RBFOX1: variants seen among roughly 807,000 people sequenced by gnomAD.
RBFOX1 encodes RNA binding protein fox-1 homolog 1.
A neutral mutation model predicts 57.7 loss-of-function variants in RBFOX1; 8 were observed. The ratio of observed to expected loss-of-function variants is 0.14; its 90% CI spans 0.08 to 0.25. The LOEUF is 0.25. RBFOX1 is among the 10% of genes least tolerant of loss of function. The pLI is 1.00. For missense variants in RBFOX1, 611 were observed against 548.5 expected, an observed-to-expected ratio of 1.11 and a Z score of -1.14; for synonymous variants, 326 against 222.4, an observed-to-expected ratio of 1.47 and a Z score of -4.15.
chr16:7,693,416 CTTTT>C (rs60812796), intron 14 of RBFOX1: 349 of 782,278 alleles, frequency 4.5e-4, no homozygotes, highest in Middle Eastern at 5.7e-4. Context: ...TCTCAGTATC[CTTTT>C]TTTTTTTTTT....
At chr16:6,921,889 A>AT (rs1250725578) in intron 3 of RBFOX1, among the ~76,000 whole-genome samples, 4 of 152,066 alleles carry the variant, frequency 2.6e-5, no homozygotes, top group Non-Finnish European at 4.4e-5. Flanking sequence ...AGAGGAGGAG[A>AT]TTATGCAAGG....
At chr16:7,499,810 G>C (rs974062569) in intron 4 of RBFOX1, among the ~76,000 whole-genome samples, 1 of 151,772 alleles carries the variant, frequency 6.6e-6, no homozygotes, top group Non-Finnish European at 1.5e-5. Context: ...CTACTTCGCA[G>C]TTGTTGAGAC....
chr16:5,453,745 A>T (rs933998710), intron 1 of RBFOX1, among the ~76,000 whole-genome samples: 2 of 152,190 alleles, frequency 1.3e-5, no homozygotes, highest in Admixed American at 6.5e-5. Context: ...CCAGTTAGAG[A>T]TCAGCTTTAC....
At chr16:6,053,360 G>T (rs1372902327) in intron 1 of RBFOX1, among the ~76,000 whole-genome samples, 1 of 152,202 alleles carries the variant, frequency 6.6e-6, no homozygotes, top group African/African-American at 2.4e-5. Flanking sequence ...ATTAGTGAGT[G>T]TCTGGCCCTG....
intron 3 of RBFOX1, among the ~76,000 whole-genome samples, chr16:6,676,127 G>GACAC (rs750878616): frequency 1.7e-4 from 21 of 125,608 alleles, no homozygotes; most frequent in African/African-American, 6.4e-4. Flanking sequence ...CTGCCTAGGG[G>GACAC]ACACACACAC....
intron 4 of RBFOX1, among the ~76,000 whole-genome samples, chr16:7,501,936 C>G (rs2071036257): frequency 6.6e-6 from 1 of 152,196 alleles, no homozygotes; most frequent in Non-Finnish European, 1.5e-5. Flanking sequence ...AAACATAGCA[C>G]AGTCCCTGAC....
intron 2 of RBFOX1, among the ~76,000 whole-genome samples, chr16:6,326,601 C>T (rs187007740): frequency 3.3e-5 from 5 of 152,288 alleles, no homozygotes; most frequent in Non-Finnish European, 7.4e-5. Context: ...TGACCATTTA[C>T]GCTTCACAGG....
intron 3 of RBFOX1, among the ~76,000 whole-genome samples, chr16:5,624,631 G>C (rs2048296797): frequency 6.6e-6 from 1 of 152,230 alleles, no homozygotes. Context: ...GTCTGTGATT[G>C]TGTCTGGCTA....
At position 7,034,620 on chromosome 16, in the gene RBFOX1, C is replaced by T. The variant is rs752197303; in HGVS notation, c.-15-17437C>T. On this transcript the variant is annotated intron_variant, in intron 3 of 15. Coordinates refer to ENST00000550418, the MANE Select transcript of RBFOX1 (RefSeq NM_018723.4). ...AAGATCCCTGGCAATGTTTTTGTGTCTATCTCATTGAAGACACATCAGTGA... is the reference window on the plus strand; with the variant it reads ...AAGATCCCTGGCAATGTTTTTGTGTTTATCTCATTGAAGACACATCAGTGA... Among the ~76,000 whole-genome samples the T allele has an allele frequency of 2.0e-5, 3 of 151,940 alleles. No homozygotes were observed. In the East Asian group the frequency reaches 5.8e-4, roughly 30 times the overall value.
At chr16:6,089,076 A>ATATAT (rs1491350106) in intron 1 of RBFOX1, among the ~76,000 whole-genome samples, 1 of 125,652 alleles carries the variant, frequency 8.0e-6, no homozygotes, top group African/African-American at 2.7e-5. Flanking sequence ...AAAAAAAAAA[A>ATATAT]AAATATATAT....
At chr16:7,639,701 A>T (rs1477804118) in intron 11 of RBFOX1, among the ~76,000 whole-genome samples, 1 of 152,138 alleles carries the variant, frequency 6.6e-6, no homozygotes, top group Non-Finnish European at 1.5e-5. Context: ...TAGCACTGCC[A>T]TTGGGGTGCC....
intron 4 of RBFOX1, among the ~76,000 whole-genome samples, chr16:7,403,618 G>A (rs1214987559): frequency 1.4e-5 from 2 of 147,012 alleles, no homozygotes; most frequent in Middle Eastern, 3.5e-3. Flanking sequence ...ACAATCTCAG[G>A]TCAGGGCAAC....
chr16:7,180,792 T>G (rs887252505), intron 4 of RBFOX1, among the ~76,000 whole-genome samples: 3 of 151,900 alleles, frequency 2.0e-5, no homozygotes, highest in African/African-American at 7.3e-5. Flanking sequence ...AGGGAAAGTT[T>G]ATTTTAAGCA....
intron 3 of RBFOX1, among the ~76,000 whole-genome samples, chr16:6,815,895 T>C (rs73532686): frequency 0.056 from 8,593 of 152,302 alleles, 603 homozygotes; most frequent in African/African-American, 0.17. Context: ...AAAAATAATT[T>C]ACTTCCACTG....
intron 3 of RBFOX1, among the ~76,000 whole-genome samples, chr16:6,930,899 CA>C (rs1478099886): frequency 3.3e-5 from 5 of 151,980 alleles, no homozygotes; most frequent in African/African-American, 1.2e-4. Flanking sequence ...GCCCCCTCAC[CA>C]TAGCCGAGTC....
intron 3 of RBFOX1, among the ~76,000 whole-genome samples, chr16:6,827,241 C>T (rs1398322115): frequency 1.3e-5 from 2 of 151,564 alleles, no homozygotes; most frequent in Non-Finnish European, 2.9e-5. Flanking sequence ...TCATTTTCTC[C>T]TAAAGTTCTT....
At chr16:5,332,300 C>T (rs1596546295) in intron 1 of RBFOX1, among the ~76,000 whole-genome samples, 2 of 152,114 alleles carry the variant, frequency 1.3e-5, no homozygotes, top group South Asian at 2.1e-4. Context: ...GACAGTCTCC[C>T]TCTGTCACCC....
At chr16:7,207,776 C>T (rs575623471) in intron 4 of RBFOX1, among the ~76,000 whole-genome samples, 194 of 152,326 alleles carry the variant, frequency 1.3e-3, no homozygotes, top group African/African-American at 4.5e-3. Context: ...GCACCCAGTT[C>T]ATGTAGCTTC....
chr16:6,570,284 A>G (rs1188096272), intron 2 of RBFOX1, among the ~76,000 whole-genome samples: 1 of 152,104 alleles, frequency 6.6e-6, no homozygotes, highest in Non-Finnish European at 1.5e-5. Context: ...TTTTGTTTTG[A>G]AAATCAGTGT....
Sources: gnomAD v4.1 joint callset for allele counts (sites outside exome capture counted in the v4.1 genomes callset) on GRCh38, gnomAD v4.1.1 for gene constraint, MANE v1.5 for transcripts, NCBI Gene and HGNC (gene_info 2026-07-23, HGNC 2026-07-21) for gene names.